Variants in PTPRT observed in about 807,000 individuals in gnomAD.
The protein encoded by PTPRT is receptor-type tyrosine-protein phosphatase T.
PTPRT carries 56 observed loss-of-function variants against 176.8 expected under a neutral mutation model. That is an observed-to-expected ratio of 0.32 (90% CI 0.26 to 0.40). PTPRT has a LOEUF of 0.40. PTPRT is among the 10% of genes least tolerant of loss of function. The pLI is 1.00. For synonymous variants in PTPRT, 783 were observed against 739.0 expected (o/e 1.06, Z -0.96); for missense variants, 1,540 against 1,908.2 (o/e 0.81, Z 3.60).
At chr20:42,627,929 G>C (rs752999068) in intron 7 of PTPRT, among the ~76,000 whole-genome samples, 25 of 152,218 alleles carry the variant, frequency 1.6e-4, no homozygotes, top group Non-Finnish European at 3.4e-4. Flanking sequence ...GTGAAGTCTT[G>C]TCTTTTCTTG....
Position 42,104,737 on chromosome 20 carries a change from G to A in PTPRT, c.3391-19C>T, listed in dbSNP as rs1359803745. The A allele has an allele frequency of 6.4e-7, 1 of 1,553,240 alleles. No individual in the cohort carries two copies. Among genetic ancestry groups the A allele is most frequent in the African/African-American group, 1.4e-5 (1 of 73,626 alleles). Reference sequence around the variant, plus strand: ...ATTGCTCCTGCAAAGTCAGAAGAGAGGGAATGGGGTGCCAGGTAAGAACAG... The same window carrying A: ...ATTGCTCCTGCAAAGTCAGAAGAGAAGGAATGGGGTGCCAGGTAAGAACAG... On this transcript the variant is annotated intron_variant, in intron 24 of 30. Coordinates refer to ENST00000373187, the MANE Select transcript of PTPRT (RefSeq NM_007050.6).
At chr20:42,839,641 G>A (rs2078243184) in intron 2 of PTPRT, among the ~76,000 whole-genome samples, 1 of 152,158 alleles carries the variant, frequency 6.6e-6, no homozygotes, top group African/African-American at 2.4e-5. Context: ...CAAAAGCTGA[G>A]AAGAGTGAAG....
At chr20:42,852,073 A>AT (rs1392994957) in intron 2 of PTPRT, among the ~76,000 whole-genome samples, 5 of 152,194 alleles carry the variant, frequency 3.3e-5, no homozygotes, top group Non-Finnish European at 5.9e-5. Context: ...GTATTAAGTT[A>AT]TTTTATAACT....
chr20:43,083,810 C>CCCTA (rs2011532004), intron 1 of PTPRT, among the ~76,000 whole-genome samples: 1 of 152,128 alleles, frequency 6.6e-6, no homozygotes, highest in African/African-American at 2.4e-5. Flanking sequence ...CTGTTCCCAC[C>CCCTA]CCTACCCCAG....
At chr20:42,555,222 T>C (rs2072839463) in intron 7 of PTPRT, among the ~76,000 whole-genome samples, 1 of 152,196 alleles carries the variant, frequency 6.6e-6, no homozygotes, top group Admixed American at 6.5e-5. Context: ...AGAGAGGCAC[T>C]TGGTACATCA....
intron 11 of PTPRT, among the ~76,000 whole-genome samples, chr20:42,343,060 A>C (rs1347254715): frequency 6.6e-6 from 1 of 152,070 alleles, no homozygotes; most frequent in Non-Finnish European, 1.5e-5. Context: ...TCCAGGCTAG[A>C]GTTCCCACAC....
intron 1 of PTPRT, among the ~76,000 whole-genome samples, chr20:43,088,478 C>T (rs1405713545): frequency 6.6e-6 from 1 of 151,882 alleles, no homozygotes; most frequent in African/African-American, 2.4e-5. Context: ...TACTGAGTGC[C>T]CTGTGTGGCT....
At chr20:43,182,587 C>T (rs1306124519) in intron 1 of PTPRT, among the ~76,000 whole-genome samples, 1 of 152,062 alleles carries the variant, frequency 6.6e-6, no homozygotes, top group Non-Finnish European at 1.5e-5. Flanking sequence ...GCTGGCATTT[C>T]GTCATGTTGA....
chr20:42,626,769 C>T (rs974639998), intron 7 of PTPRT, among the ~76,000 whole-genome samples: 5 of 152,162 alleles, frequency 3.3e-5, no homozygotes, highest in African/African-American at 1.2e-4. Flanking sequence ...TACAATAGCC[C>T]AGGCCATGGG....
intron 9 of PTPRT, among the ~76,000 whole-genome samples, chr20:42,361,289 G>T (rs1483336982): frequency 6.6e-6 from 1 of 152,168 alleles, no homozygotes; most frequent in Non-Finnish European, 1.5e-5. Flanking sequence ...GGTGGTGAAG[G>T]TCTTGTATCT....
At chr20:43,086,632 C>A (rs2011612790) in intron 1 of PTPRT, among the ~76,000 whole-genome samples, 1 of 152,200 alleles carries the variant, frequency 6.6e-6, no homozygotes, top group African/African-American at 2.4e-5. Context: ...GTACATTCAA[C>A]CTTAAAACCA....
chr20:43,070,968 TA>T (rs11474990), intron 1 of PTPRT, among the ~76,000 whole-genome samples: 846 of 122,874 alleles, frequency 6.9e-3, no homozygotes, highest in African/African-American at 0.015. Flanking sequence ...AAAGTATAAT[TA>T]AAAAAAAAAA....
At chr20:43,139,605 T>C (rs771430173) in intron 1 of PTPRT, among the ~76,000 whole-genome samples, 5 of 152,236 alleles carry the variant, frequency 3.3e-5, no homozygotes, top group Admixed American at 2.6e-4. Flanking sequence ...CAGAAGGCAG[T>C]GTCCGAGGGT....
At chr20:42,796,250 T>C (rs1891130163) in intron 2 of PTPRT, among the ~76,000 whole-genome samples, 1 of 152,226 alleles carries the variant, frequency 6.6e-6, no homozygotes, top group Non-Finnish European at 1.5e-5. Context: ...AAAAATCATT[T>C]ACTTAGAGAT....
chr20:42,115,821 G>C (rs1025086804), intron 21 of PTPRT, among the ~76,000 whole-genome samples: 1 of 152,150 alleles, frequency 6.6e-6, no homozygotes, highest in Admixed American at 6.5e-5. Context: ...GAAGTGGTTG[G>C]GAGGGGGACA....
intron 1 of PTPRT, among the ~76,000 whole-genome samples, chr20:43,140,324 G>T (rs1256500971): frequency 1.3e-5 from 2 of 152,000 alleles, no homozygotes. Context: ...GAGTAAAGCT[G>T]CAATAAACAT....
chr20:42,254,249 G>A (rs1343056752), intron 13 of PTPRT, among the ~76,000 whole-genome samples: 4 of 152,146 alleles, frequency 2.6e-5, no homozygotes. Flanking sequence ...CCTCTCAACA[G>A]GGACCTCCAG....
intron 6 of PTPRT, among the ~76,000 whole-genome samples, chr20:42,746,506 T>C (rs2076692983): frequency 6.6e-6 from 1 of 152,086 alleles, no homozygotes; most frequent in Non-Finnish European, 1.5e-5. Flanking sequence ...GCATTATTAT[T>C]CCAATTAGGC....
chr20:42,757,277 A>T (rs1227907227), intron 5 of PTPRT, among the ~76,000 whole-genome samples: 1 of 152,066 alleles, frequency 6.6e-6, no homozygotes, highest in Non-Finnish European at 1.5e-5. Context: ...CCTTAAGCAG[A>T]ACTCATAGCA....
Sources: gnomAD v4.1 joint callset for allele counts (sites outside exome capture counted in the v4.1 genomes callset) on GRCh38, gnomAD v4.1.1 for gene constraint, MANE v1.5 for transcripts, NCBI Gene and HGNC (gene_info 2026-07-23, HGNC 2026-07-21) for gene names.